KCNH8: variants seen among roughly 807,000 people sequenced by gnomAD.
The protein encoded by KCNH8 is voltage-gated delayed rectifier potassium channel KCNH8.
In KCNH8, 70 loss-of-function variants were observed where a neutral mutation model predicts 103.6. That is an observed-to-expected ratio of 0.68 (90% CI 0.56 to 0.82). The LOEUF (loss-of-function observed/expected upper bound fraction) is 0.82, where lower values mean the gene tolerates loss of function less well. KCNH8 is among the 40% of genes least tolerant of loss of function. KCNH8 has a pLI of 0.00. For synonymous variants in KCNH8, 498 were observed against 489.4 expected (o/e 1.02, Z -0.23); for missense variants, 1,217 against 1,329.9 (o/e 0.92, Z 1.32).
At chr3:19,429,038 G>T (rs150389221) in intron 7 of KCNH8, among the ~76,000 whole-genome samples, 9 of 152,034 alleles carry the variant, frequency 5.9e-5, no homozygotes, top group African/African-American at 1.9e-4. Flanking sequence ...TTCACCAGAC[G>T]CTGGCTGAAA....
chr3:19,469,335 C>T (rs1343929879), intron 11 of KCNH8, among the ~76,000 whole-genome samples: 5 of 152,158 alleles, frequency 3.3e-5, no homozygotes, highest in African/African-American at 4.8e-5. Context: ...CTGTTTTACA[C>T]TTTTATGCTG....
intron 11 of KCNH8, among the ~76,000 whole-genome samples, chr3:19,485,298 T>C (rs1440169001): frequency 6.6e-6 from 1 of 152,228 alleles, no homozygotes; most frequent in Non-Finnish European, 1.5e-5. Flanking sequence ...CAGCAAATAC[T>C]TGTTACCTCC....
At position 19,535,027 on chromosome 3, in the gene KCNH8, C is replaced by A. The variant is rs1233238221; in HGVS notation, c.*928C>A. 2 of 152,162 alleles carry A rather than the reference C, an allele frequency of 1.3e-5. No homozygotes were observed. Among genetic ancestry groups the A allele is most frequent in the African/African-American group, 4.8e-5 (2 of 41,434 alleles). 9.4% of individuals were successfully genotyped at this position (152,162 alleles called of 1,614,324 possible). A position where few individuals can be genotyped will look rare whatever the true frequency, so the allele number is the denominator to read the frequency against. On this transcript the variant is annotated 3_prime_UTR_variant, in exon 16 of 16. Coordinates refer to ENST00000328405, the MANE Select transcript of KCNH8 (RefSeq NM_144633.3). ...TAGAGAGGCTCCATCTAGGCTCTGC[C>A]AACTCATGTCAATGACATGATTTAA...
intron 11 of KCNH8, among the ~76,000 whole-genome samples, chr3:19,474,469 T>C (rs2067929573): frequency 1.3e-5 from 2 of 152,130 alleles, no homozygotes; most frequent in Non-Finnish European, 2.9e-5. Flanking sequence ...GCCAAGTCAT[T>C]AGAAATACAA....
intron 11 of KCNH8, among the ~76,000 whole-genome samples, chr3:19,503,255 A>G (rs1394250169): frequency 2.4e-4 from 37 of 151,806 alleles, no homozygotes; most frequent in African/African-American, 8.2e-4. Context: ...TTAGAATGGC[A>G]ATCATTAAAA....
At chr3:19,479,666 G>A (rs1262676262) in intron 11 of KCNH8, among the ~76,000 whole-genome samples, 1 of 152,190 alleles carries the variant, frequency 6.6e-6, no homozygotes, top group African/African-American at 2.4e-5. Flanking sequence ...GGAAGAAACA[G>A]ATCAGAAATG....
intron 1 of KCNH8, among the ~76,000 whole-genome samples, chr3:19,154,264 A>G (rs2063158995): frequency 6.6e-6 from 1 of 152,158 alleles, no homozygotes; most frequent in African/African-American, 2.4e-5. Context: ...AGTACTTGTC[A>G]TTGAGGCTGG....
At chr3:19,161,839 C>T (rs1413671685) in intron 1 of KCNH8, among the ~76,000 whole-genome samples, 1 of 152,048 alleles carries the variant, frequency 6.6e-6, no homozygotes, top group Non-Finnish European at 1.5e-5. Context: ...ACTATAGAAG[C>T]TGGATTGGTC....
intron 1 of KCNH8, among the ~76,000 whole-genome samples, chr3:19,213,776 A>G (rs1262434152): frequency 6.6e-6 from 1 of 152,200 alleles, no homozygotes; most frequent in African/African-American, 2.4e-5. Flanking sequence ...AGGGTGCTAG[A>G]GGGACAATAG....
intron 7 of KCNH8, among the ~76,000 whole-genome samples, chr3:19,401,534 A>G (rs2066612570): frequency 6.6e-6 from 1 of 151,982 alleles, no homozygotes; most frequent in Non-Finnish European, 1.5e-5. Context: ...AATACCATCC[A>G]TTTTAAAAGT....
chr3:19,327,397 C>G (rs183838511), intron 3 of KCNH8, among the ~76,000 whole-genome samples: 17 of 152,310 alleles, frequency 1.1e-4, no homozygotes, highest in African/African-American at 3.8e-4. Flanking sequence ...TCAAGCAACT[C>G]TCCTGTCTGA....
intron 3 of KCNH8, among the ~76,000 whole-genome samples, chr3:19,331,196 A>G (rs1284747458): frequency 1.3e-5 from 2 of 151,270 alleles, no homozygotes; most frequent in Non-Finnish European, 3.0e-5. Flanking sequence ...TAATAGCTAC[A>G]TGTTGACTTT....
At chr3:19,392,330 A>AAG (rs1553587483) in intron 6 of KCNH8, among the ~76,000 whole-genome samples, 11 of 150,600 alleles carry the variant, frequency 7.3e-5, no homozygotes, top group South Asian at 2.1e-4. Flanking sequence ...AAAAAAAAAA[A>AAG]AAAAGAAAAG....
At chr3:19,358,223 CTCTT>C (rs1303019523) in intron 5 of KCNH8, among the ~76,000 whole-genome samples, 5 of 141,502 alleles carry the variant, frequency 3.5e-5, no homozygotes, top group African/African-American at 1.1e-4. Context: ...CTCTTTCCTT[CTCTT>C]TCTTTCTTTC....
intron 7 of KCNH8, among the ~76,000 whole-genome samples, chr3:19,408,319 AAATAAT>A (rs748279331): frequency 8.7e-4 from 133 of 152,236 alleles, no homozygotes; most frequent in Non-Finnish European, 1.5e-3. Context: ...AAGGGAAAGA[AAATAAT>A]AATAATAACA....
intron 2 of KCNH8, among the ~76,000 whole-genome samples, chr3:19,254,429 G>A (rs1277597468): frequency 1.3e-5 from 2 of 152,108 alleles, no homozygotes; most frequent in Non-Finnish European, 2.9e-5. Flanking sequence ...CAAAACAGGA[G>A]ACACTTAGCA....
At chr3:19,276,169 A>T (rs2064667380) in intron 2 of KCNH8, among the ~76,000 whole-genome samples, 1 of 123,794 alleles carries the variant, frequency 8.1e-6, no homozygotes, top group South Asian at 2.7e-4. Flanking sequence ...CCACCCCAAT[A>T]TGTATATGTG....
intron 8 of KCNH8, among the ~76,000 whole-genome samples, chr3:19,439,907 T>C (rs3905630): frequency 0.013 from 1,857 of 147,718 alleles, 35 homozygotes; most frequent in African/African-American, 0.044. Flanking sequence ...CAAAAGGAAC[T>C]GAAGGGAAGG....
chr3:19,449,752 C>G (rs1313995155), intron 8 of KCNH8, among the ~76,000 whole-genome samples: 3 of 151,948 alleles, frequency 2.0e-5, no homozygotes, highest in Non-Finnish European at 4.4e-5. Context: ...TCAAACTATA[C>G]ATAACTATTA....
Sources: allele counts gnomAD v4.1 joint callset (sites outside exome capture counted in the v4.1 genomes callset), GRCh38; gene constraint gnomAD v4.1.1; transcripts MANE v1.5; gene names NCBI Gene and HGNC (gene_info 2026-07-23, HGNC 2026-07-21).